Variants in RANBP2 observed in about 807,000 individuals in gnomAD.
The protein encoded by RANBP2 is E3 SUMO-protein ligase RanBP2.
In RANBP2, 57 loss-of-function variants were observed where a neutral mutation model predicts 303.6. The ratio of observed to expected loss-of-function variants is 0.19; its 90% CI spans 0.15 to 0.23. The LOEUF is 0.23. Ranked by LOEUF, RANBP2 falls within the 10% of genes least tolerant of loss-of-function variation. The pLI is 1.00. For missense variants in RANBP2, 3,138 were observed against 3,780.8 expected (o/e 0.83, Z 4.46); for synonymous variants, 1,167 against 1,301.5 (o/e 0.90, Z 2.23).
chr2:108,923,372 C>T, the RANBP2 span: 1 of 1,614,132 alleles, frequency 6.2e-7, no homozygotes, highest in East Asian at 2.2e-5. Context: ...ACTCACATTC[C>T]TTGGTGTTGG....
chr2:109,070,159 C>A, the RANBP2 span, among the ~76,000 whole-genome samples: 1 of 151,956 alleles, frequency 6.6e-6, no homozygotes, highest in Non-Finnish European at 1.5e-5. Flanking sequence ...GTGCTAAGGG[C>A]CTGGAGCAGA....
At chr2:109,196,065 C>G in the RANBP2 span, among the ~76,000 whole-genome samples, 3 of 152,188 alleles carry the variant, frequency 2.0e-5, no homozygotes, top group African/African-American at 7.2e-5. Flanking sequence ...TCGAAGGGCT[C>G]CAGAGGGAAC....
At chr2:108,775,637 G>T in intron 23 of RANBP2, 95 bp from the exon 24 acceptor site, 4 of 1,320,056 alleles carry the variant, frequency 3.0e-6, no homozygotes, top group Non-Finnish European at 4.3e-6. Context: ...TTCTCCAGAA[G>T]CCCAAGTTCT....
At chr2:108,986,444 C>T in the RANBP2 span, among the ~76,000 whole-genome samples, 4 of 152,182 alleles carry the variant, frequency 2.6e-5, no homozygotes, top group African/African-American at 9.7e-5. Flanking sequence ...ATTGCACCAT[C>T]TCCTTGTGGG....
chr2:109,103,961 T>C, the RANBP2 span, among the ~76,000 whole-genome samples: 1 of 151,840 alleles, frequency 6.6e-6, no homozygotes, highest in African/African-American at 2.4e-5. Context: ...ACCCAGCTGA[T>C]TTTTTGTATT....
chr2:109,088,329 G>A, the RANBP2 span, among the ~76,000 whole-genome samples: 14 of 150,466 alleles, frequency 9.3e-5, no homozygotes, highest in South Asian at 2.1e-4. Context: ...CCCGGGAGGC[G>A]GAGACCGCAG....
At chr2:108,745,979 T>C (rs1487890107) in intron 7 of RANBP2, among the ~76,000 whole-genome samples, 2 of 151,220 alleles carry the variant, frequency 1.3e-5, no homozygotes, top group Non-Finnish European at 2.9e-5. Flanking sequence ...TGATCATGGC[T>C]CACTGCAGCC....
At chr2:109,028,945 G>GTTTA in the RANBP2 span, among the ~76,000 whole-genome samples, 3,656 of 151,856 alleles carry the variant, frequency 0.024, 70 homozygotes, top group East Asian at 0.094. Flanking sequence ...TTATTTGTTT[G>GTTTA]TTTATTTATT....
At chr2:109,718,120 G>C in the RANBP2 span, among the ~76,000 whole-genome samples, 4 of 152,166 alleles carry the variant, frequency 2.6e-5, no homozygotes, top group Admixed American at 1.3e-4. Context: ...CATATTGCTG[G>C]TGGAAATGTA....
the RANBP2 span, among the ~76,000 whole-genome samples, chr2:109,159,372 C>T: frequency 1.3e-5 from 2 of 152,220 alleles, no homozygotes; most frequent in African/African-American, 2.4e-5. Flanking sequence ...AGGGTGTATG[C>T]GTGCAGAAGG....
chr2:108,811,569 G>T, the RANBP2 span, among the ~76,000 whole-genome samples: 3 of 151,626 alleles, frequency 2.0e-5, no homozygotes, highest in African/African-American at 7.3e-5. Flanking sequence ...TCTAGCTCAT[G>T]GTTTGTTGGT....
the RANBP2 span, among the ~76,000 whole-genome samples, chr2:108,893,276 AT>A: frequency 2.0e-5 from 3 of 152,222 alleles, no homozygotes; most frequent in Non-Finnish European, 2.9e-5. Context: ...CTGGCCCTGC[AT>A]TTTGAGATGA....
chr2:109,192,586 G>A, the RANBP2 span, among the ~76,000 whole-genome samples: 3 of 152,176 alleles, frequency 2.0e-5, no homozygotes, highest in Non-Finnish European at 4.4e-5. Context: ...TCTTGAAACG[G>A]CATGGAATAG....
Position 108,769,015 on chromosome 2 carries a change from G to C in RANBP2, c.7849+627G>C, listed in dbSNP as rs993057985. On this transcript the variant is annotated intron_variant, in intron 20 of 28. Coordinates refer to ENST00000283195, the MANE Select transcript of RANBP2 (RefSeq NM_006267.5). ...TGCCACTGCACTCCAGCCTGACTGA[G>C]TGACTGAGACTTTGTCTCCAAAAAA... Among the ~76,000 whole-genome samples, 37 of 150,860 alleles carry C rather than the reference G, an allele frequency of 2.5e-4. 1 individual carries two copies. Among genetic ancestry groups the C allele is most frequent in the Middle Eastern group, 3.4e-3 (1 of 294 alleles).
chr2:109,425,497 G>C, the RANBP2 span, among the ~76,000 whole-genome samples: 1 of 152,232 alleles, frequency 6.6e-6, no homozygotes, highest in African/African-American at 2.4e-5. Context: ...AGACTCTCTT[G>C]TTAGGGGCTA....
the RANBP2 span, among the ~76,000 whole-genome samples, chr2:108,908,563 G>A: frequency 6.6e-6 from 1 of 152,126 alleles, no homozygotes; most frequent in African/African-American, 2.4e-5. Context: ...CATTGCAGGG[G>A]GTGGCACAGC....
At chr2:109,513,489 T>TGTACACACAC in the RANBP2 span, among the ~76,000 whole-genome samples, 1 of 150,942 alleles carries the variant, frequency 6.6e-6, no homozygotes, top group Admixed American at 6.6e-5. Flanking sequence ...ACACACCACA[T>TGTACACACAC]GTACACACAC....
chr2:109,343,272 G>A, the RANBP2 span, among the ~76,000 whole-genome samples: 3 of 152,200 alleles, frequency 2.0e-5, no homozygotes, highest in South Asian at 4.1e-4. Context: ...TGGAGGTGCC[G>A]GGTGTCACCC....
chr2:109,412,924 A>G, the RANBP2 span, among the ~76,000 whole-genome samples: 4 of 152,200 alleles, frequency 2.6e-5, no homozygotes, highest in African/African-American at 7.2e-5. Flanking sequence ...TCCACTCTGC[A>G]TACCCTACAT....
Sources: gnomAD v4.1 joint callset for allele counts (sites outside exome capture counted in the v4.1 genomes callset) on GRCh38, gnomAD v4.1.1 for gene constraint, MANE v1.5 for transcripts, NCBI Gene and HGNC (gene_info 2026-07-23, HGNC 2026-07-21) for gene names.